TNFSF4: variants seen among roughly 807,000 people sequenced by gnomAD.
The protein encoded by TNFSF4 is tumor necrosis factor ligand superfamily member 4.
A neutral mutation model predicts 7.3 loss-of-function variants in TNFSF4; 4 were observed. The ratio of observed to expected loss-of-function variants is 0.55; its 90% CI spans 0.27 to 1.25. The LOEUF (loss-of-function observed/expected upper bound fraction) is 1.25, where lower values mean the gene tolerates loss of function less well. Ranked by LOEUF, TNFSF4 falls within the 50% of genes most tolerant of loss-of-function variation. The probability of loss-of-function intolerance (pLI) is 0.12; values close to 1 mark genes in which losing one functional copy is unlikely to be tolerated. For synonymous variants in TNFSF4, 76 were observed against 83.7 expected, an observed-to-expected ratio of 0.91 and a Z score of 0.50; for missense variants, 181 against 208.8, an observed-to-expected ratio of 0.87 and a Z score of 0.82.
the TNFSF4 span, among the ~76,000 whole-genome samples, chr1:173,391,907 C>T: frequency 1.8e-4 from 28 of 152,168 alleles, no homozygotes; most frequent in African/African-American, 3.1e-4. Context: ...AAATACTTTA[C>T]GTAAGCCAGA....
the TNFSF4 span, among the ~76,000 whole-genome samples, chr1:173,368,537 C>T: frequency 6.6e-6 from 1 of 152,296 alleles, no homozygotes; most frequent in Non-Finnish European, 1.5e-5. Flanking sequence ...CAGGGCCTGA[C>T]TAAAGACACG....
At chr1:173,380,215 C>T in the TNFSF4 span, among the ~76,000 whole-genome samples, 1 of 152,128 alleles carries the variant, frequency 6.6e-6, no homozygotes, top group African/African-American at 2.4e-5. Context: ...TGCATTTCTT[C>T]TTATGCCTGA....
chr1:173,334,016 T>C, the TNFSF4 span, among the ~76,000 whole-genome samples: 1 of 152,082 alleles, frequency 6.6e-6, no homozygotes, highest in Admixed American at 6.5e-5. Flanking sequence ...TCAGCCTCCA[T>C]AATCATGTGA....
intron 1 of TNFSF4, among the ~76,000 whole-genome samples, chr1:173,196,260 T>A (rs1649693788): frequency 6.6e-6 from 1 of 152,138 alleles, no homozygotes. Flanking sequence ...GAAAGACTTA[T>A]CCCAAAAGTT....
the TNFSF4 span, among the ~76,000 whole-genome samples, chr1:173,241,733 G>A: frequency 6.6e-6 from 1 of 152,222 alleles, no homozygotes; most frequent in African/African-American, 2.4e-5. Flanking sequence ...CAGAGGCTAT[G>A]GGAGGCAGGC....
At chr1:173,426,767 A>AT in the TNFSF4 span, among the ~76,000 whole-genome samples, 2 of 151,744 alleles carry the variant, frequency 1.3e-5, no homozygotes, top group Non-Finnish European at 2.9e-5. Flanking sequence ...AGATTTTTTC[A>AT]TTTTTTTGTA....
the TNFSF4 span, among the ~76,000 whole-genome samples, chr1:173,431,501 C>A: frequency 2.6e-4 from 40 of 152,378 alleles, no homozygotes; most frequent in Middle Eastern, 6.8e-3. Flanking sequence ...CCTCCGTGAG[C>A]CTGCATTGGC....
At chr1:173,325,852 T>G in the TNFSF4 span, among the ~76,000 whole-genome samples, 49 of 152,084 alleles carry the variant, frequency 3.2e-4, no homozygotes, top group Admixed American at 2.5e-3. Flanking sequence ...AATAACAGGC[T>G]CTGAAATTGA....
the TNFSF4 span, among the ~76,000 whole-genome samples, chr1:173,307,911 T>C: frequency 6.6e-6 from 1 of 151,908 alleles, no homozygotes; most frequent in African/African-American, 2.4e-5. Flanking sequence ...TTTACAACCC[T>C]CAAAATTATG....
the TNFSF4 span, among the ~76,000 whole-genome samples, chr1:173,428,113 T>C: frequency 6.6e-6 from 1 of 152,112 alleles, no homozygotes; most frequent in Non-Finnish European, 1.5e-5. Flanking sequence ...ACCCGGCTAC[T>C]TTTTTTATTT....
downstream of TNFSF4, among the ~76,000 whole-genome samples, chr1:173,183,066 TAAACAGATG>T (rs1204173851): frequency 6.6e-6 from 1 of 152,194 alleles, no homozygotes; most frequent in Non-Finnish European, 1.5e-5. Flanking sequence ...TTCAACTTAA[TAAACAGATG>T]AAACACAGAC....
the TNFSF4 span, among the ~76,000 whole-genome samples, chr1:173,367,914 T>A: frequency 2.5e-4 from 38 of 152,166 alleles, no homozygotes; most frequent in African/African-American, 8.7e-4. Context: ...CTTGGGGAAC[T>A]TTTCTGTCTT....
chr1:173,444,051 C>G, the TNFSF4 span, among the ~76,000 whole-genome samples: 1 of 152,166 alleles, frequency 6.6e-6, no homozygotes, highest in South Asian at 2.1e-4. Flanking sequence ...CAGGAAGACA[C>G]AAAACACAAC....
the TNFSF4 span, among the ~76,000 whole-genome samples, chr1:173,415,313 A>C: frequency 6.6e-6 from 1 of 152,208 alleles, no homozygotes; most frequent in Non-Finnish European, 1.5e-5. Context: ...GAGGCAAGTG[A>C]GTGGGTGGGA....
the TNFSF4 span, among the ~76,000 whole-genome samples, chr1:173,226,866 T>C: frequency 6.6e-6 from 1 of 152,226 alleles, no homozygotes; most frequent in African/African-American, 2.4e-5. Context: ...GCAGCTTTAC[T>C]TATTACTTAA....
At chr1:173,409,282 G>T in the TNFSF4 span, among the ~76,000 whole-genome samples, 1 of 152,202 alleles carries the variant, frequency 6.6e-6, no homozygotes, top group African/African-American at 2.4e-5. Context: ...ACCAAATGCA[G>T]TGCTTGATCC....
At chr1:173,197,219 T>A (rs945785160) in intron 1 of TNFSF4, among the ~76,000 whole-genome samples, 2 of 152,232 alleles carry the variant, frequency 1.3e-5, no homozygotes, top group Non-Finnish European at 2.9e-5. Flanking sequence ...ACTTTTACAC[T>A]GTTGGTGGGA....
the TNFSF4 span, among the ~76,000 whole-genome samples, chr1:173,268,903 T>G: frequency 6.6e-6 from 1 of 152,098 alleles, no homozygotes. Context: ...AAAATGATAT[T>G]ATGCACCTAC....
At chr1:173,406,035 A>G in the TNFSF4 span, among the ~76,000 whole-genome samples, 2 of 152,260 alleles carry the variant, frequency 1.3e-5, no homozygotes, top group South Asian at 4.2e-4. Context: ...GGCCCTGTGC[A>G]TTTGAGTTAT....
Sources: allele counts gnomAD v4.1 joint callset (sites outside exome capture counted in the v4.1 genomes callset), GRCh38; gene constraint gnomAD v4.1.1; transcripts MANE v1.5; gene names NCBI Gene and HGNC (gene_info 2026-07-23, HGNC 2026-07-21).